SEC63: variants seen among roughly 807,000 people sequenced by gnomAD.
The protein encoded by SEC63 is SEC63 protein translocation regulator, also known as translocation protein SEC63 homolog.
SEC63 carries 56 observed loss-of-function variants against 116.2 expected under a neutral mutation model. That is an observed-to-expected ratio of 0.48 (90% confidence interval 0.39 to 0.60). The LOEUF is 0.60. Ranked by LOEUF, SEC63 falls within the 20% of genes least tolerant of loss-of-function variation. The pLI, the probability that SEC63 is intolerant of heterozygous loss-of-function variation, is 0.00. For missense variants in SEC63, 668 were observed against 900.0 expected (o/e 0.74, Z 3.30); for synonymous variants, 273 against 294.6 (o/e 0.93, Z 0.75).
chr6:107,913,538 TC>T, intron 4 of SEC63, 111 bp from the exon 5 acceptor site: 3 of 796,562 alleles, frequency 3.8e-6, no homozygotes, highest in Non-Finnish European at 6.6e-6. Context: ...AGATACTGAT[TC>T]CATGAATCAA....
chr6:107,914,446 T>C (rs1270739692), intron 4 of SEC63, among the ~76,000 whole-genome samples: 3 of 152,098 alleles, frequency 2.0e-5, no homozygotes, highest in Non-Finnish European at 4.4e-5. Flanking sequence ...CTTTATAAAA[T>C]AGCAAAAAGG....
intron 1 of SEC63, among the ~76,000 whole-genome samples, chr6:107,949,023 A>G (rs935375565): frequency 6.6e-6 from 1 of 152,204 alleles, no homozygotes; most frequent in African/African-American, 2.4e-5. Context: ...CTTTCCTCCA[A>G]TTAATCCACC....
intron 8 of SEC63, among the ~76,000 whole-genome samples, chr6:107,908,279 T>A (rs979157893): frequency 1.9e-4 from 29 of 152,102 alleles, no homozygotes; most frequent in Admixed American, 1.6e-3. Flanking sequence ...TAACACTCTA[T>A]CTCCCAAGGA....
chr6:107,957,774 G>T, intron 1 of SEC63, 112 bp downstream of exon 1: 1 of 1,186,920 alleles, frequency 8.4e-7, no homozygotes, highest in South Asian at 2.4e-5. Flanking sequence ...GGGCCGCACC[G>T]TCCCTGTCAT....
intron 16 of SEC63, among the ~76,000 whole-genome samples, chr6:107,892,186 G>A (rs1012342006): frequency 6.6e-6 from 1 of 152,066 alleles, no homozygotes; most frequent in South Asian, 2.1e-4. Flanking sequence ...TCCCAGGGAG[G>A]TGGGGTTTTA....
At chr6:107,939,134 T>C (rs1040091297) in intron 1 of SEC63, among the ~76,000 whole-genome samples, 1 of 151,400 alleles carries the variant, frequency 6.6e-6, no homozygotes, top group Non-Finnish European at 1.5e-5. Context: ...ACTTTAAAAA[T>C]TACCTGGGAG....
rs899241881 is a variant in SEC63 at position 107,868,408 on chromosome 6, A to T, written c.*3296T>A. ...AGGCTGGACAACGTGGCAAAATCCC[A>T]TCTCTACTAAAAATTAAAAAATTAG... On this transcript the variant is annotated 3_prime_UTR_variant, in exon 21 of 21. Coordinates refer to ENST00000369002, the MANE Select transcript of SEC63 (RefSeq NM_007214.5). The T allele has an allele frequency of 6.6e-6, 1 of 152,066 alleles. No individual in the cohort carries two copies. Among genetic ancestry groups the T allele is most frequent in the Non-Finnish European group, 1.5e-5 (1 of 68,050 alleles). 9.4% of individuals were successfully genotyped at this position (152,066 alleles called of 1,614,324 possible).
intron 16 of SEC63, among the ~76,000 whole-genome samples, chr6:107,884,624 T>TA (rs762998448): frequency 2.0e-5 from 3 of 151,996 alleles, no homozygotes; most frequent in Admixed American, 6.5e-5. Context: ...TTCCAGAGAC[T>TA]AAAAAAACAA....
At chr6:107,917,975 T>C (rs1023815192) in intron 4 of SEC63, among the ~76,000 whole-genome samples, 1 of 152,236 alleles carries the variant, frequency 6.6e-6, no homozygotes, top group Non-Finnish European at 1.5e-5. Flanking sequence ...TGGAAAAATA[T>C]GCCATTTAGG....
At chr6:107,925,983 A>G (rs1437866687) in intron 2 of SEC63, among the ~76,000 whole-genome samples, 1 of 152,080 alleles carries the variant, frequency 6.6e-6, no homozygotes, top group Admixed American at 6.6e-5. Context: ...ACACCCGGCT[A>G]ATTTTTGTAT....
chr6:107,930,606 TCAAA>T (rs1166961428), intron 1 of SEC63, among the ~76,000 whole-genome samples: 1 of 151,028 alleles, frequency 6.6e-6, no homozygotes, highest in Non-Finnish European at 1.5e-5. Flanking sequence ...AAACTCTGTC[TCAAA>T]CAAACAAAAA....
intron 16 of SEC63, among the ~76,000 whole-genome samples, chr6:107,888,727 G>A (rs555422468): frequency 6.6e-6 from 1 of 152,310 alleles, no homozygotes; most frequent in South Asian, 2.1e-4. Context: ...CTGGCTGTGG[G>A]TTTGTCATAA....
intron 16 of SEC63, 149 bp from the exon 17 acceptor site, chr6:107,883,295 T>C: frequency 1.1e-6 from 1 of 877,958 alleles, no homozygotes; most frequent in Non-Finnish European, 1.7e-6. Flanking sequence ...ATTATAAACA[T>C]TCCTACTTAT....
chr6:107,954,482 C>CAAAAAAAAAAAAAAAAAAAAA (rs4028832), intron 1 of SEC63: 1 of 116,870 alleles, frequency 8.6e-6, no homozygotes, highest in Non-Finnish European at 1.6e-5. Flanking sequence ...AAAAAAAAAT[C>CAAAAAAAAAAAAAAAAAAAAA]AAAAAAAAAA....
At chr6:107,919,702 G>A (rs1246906095) in intron 4 of SEC63, among the ~76,000 whole-genome samples, 1 of 151,870 alleles carries the variant, frequency 6.6e-6, no homozygotes, top group Non-Finnish European at 1.5e-5. Context: ...GGTGCCTGTA[G>A]TCCCAGCTAC....
intron 2 of SEC63, among the ~76,000 whole-genome samples, chr6:107,926,146 A>G (rs1315046866): frequency 6.6e-6 from 1 of 152,160 alleles, no homozygotes; most frequent in Non-Finnish European, 1.5e-5. Flanking sequence ...CTGGCTACTA[A>G]AAATATTTGC....
intron 18 of SEC63, among the ~76,000 whole-genome samples, chr6:107,879,613 C>T (rs1562313502): frequency 6.6e-6 from 1 of 152,216 alleles, no homozygotes; most frequent in African/African-American, 2.4e-5. Flanking sequence ...GCATGAGCCA[C>T]TGCACTCGGC....
chr6:107,934,624 G>A (rs1211989637), intron 1 of SEC63, among the ~76,000 whole-genome samples: 7 of 147,828 alleles, frequency 4.7e-5, no homozygotes, highest in Non-Finnish European at 1.1e-4. Context: ...GAGGGAGGTG[G>A]GGGTCAGCCC....
At chr6:107,957,832 G>A in intron 1 of SEC63, 54 bp downstream of exon 1, 1 of 1,535,762 alleles carries the variant, frequency 6.5e-7, no homozygotes, top group South Asian at 1.2e-5. Context: ...CGCAGGGCCT[G>A]GGGGCGCTGG....
Sources: allele counts gnomAD v4.1 joint callset (sites outside exome capture counted in the v4.1 genomes callset), GRCh38; gene constraint gnomAD v4.1.1; transcripts MANE v1.5; gene names NCBI Gene and HGNC (gene_info 2026-07-23, HGNC 2026-07-21).